The following COL23A1 variants were observed in gnomAD, a reference collection of about 807,000 sequenced individuals.
COL23A1 encodes the protein collagen alpha-1(XXIII) chain.
A neutral mutation model predicts 99.3 loss-of-function variants in COL23A1; 97 were observed. The ratio of observed to expected loss-of-function variants is 0.98; its 90% CI spans 0.83 to 1.16. COL23A1 has a LOEUF of 1.16. Among genes scored for constraint, COL23A1 ranks in the 50% most tolerant of loss-of-function variants. COL23A1 has a pLI of 0.00. For synonymous variants in COL23A1, 320 were observed against 308.2 expected (o/e 1.04, Z -0.40); for missense variants, 762 against 757.4 (o/e 1.01, Z -0.07).
intron 2 of COL23A1, among the ~76,000 whole-genome samples, chr5:178,534,241 T>C (rs1760809077): frequency 6.6e-6 from 1 of 152,186 alleles, no homozygotes; most frequent in South Asian, 2.1e-4. Flanking sequence ...CATCTTATTG[T>C]ACCTTCACAC....
chr5:178,521,570 A>C (rs1759948962), intron 2 of COL23A1, among the ~76,000 whole-genome samples: 1 of 145,782 alleles, frequency 6.9e-6, no homozygotes, highest in Admixed American at 6.8e-5. Context: ...AAAAAAAAAA[A>C]ACTATTTAAA....
chr5:178,250,244 C>T (rs943462140), intron 17 of COL23A1, 139 bp from the exon 18 acceptor site: 68 of 832,606 alleles, frequency 8.2e-5, no homozygotes, highest in Non-Finnish European at 1.2e-4. Flanking sequence ...CAGGACCCAC[C>T]GCCTCCTCTG....
chr5:178,243,584 G>A (rs1208111257), intron 25 of COL23A1, among the ~76,000 whole-genome samples: 2 of 152,144 alleles, frequency 1.3e-5, no homozygotes, highest in South Asian at 2.1e-4. Context: ...GAGTGCTGAT[G>A]ACAGTCAATG....
In COL23A1 at chr5:178,415,500, G is replaced by C. The variant is rs961706440; in HGVS notation, c.362-108581C>G. On this transcript the variant is annotated intron_variant, in intron 2 of 28. Coordinates refer to ENST00000390654, the MANE Select transcript of COL23A1 (RefSeq NM_173465.4). The surrounding 1 kb of genome is among the most constrained non-coding windows in gnomAD (Gnocchi z 4.6). ...CTGCACAGGCTTGCTGCTGCCAGCCGGCCTCCACGAACACTTCTACTGTCT... is the reference window on the plus strand; with the variant it reads ...CTGCACAGGCTTGCTGCTGCCAGCCCGCCTCCACGAACACTTCTACTGTCT... Among the ~76,000 whole-genome samples the C allele has an allele frequency of 1.3e-5, 2 of 152,122 alleles. No individual in the cohort carries two copies. Among genetic ancestry groups the C allele is most frequent in the East Asian group, 1.9e-4 (1 of 5,174 alleles).
At chr5:178,322,204 G>A (rs1388690032) in intron 2 of COL23A1, among the ~76,000 whole-genome samples, 1 of 151,922 alleles carries the variant, frequency 6.6e-6, no homozygotes. Flanking sequence ...GTGTTGGCCA[G>A]GCTGTTCTTG....
At chr5:178,256,744 T>C (rs1158421853) in intron 14 of COL23A1, 122 bp downstream of exon 14, 2 of 954,900 alleles carry the variant, frequency 2.1e-6, no homozygotes, top group Non-Finnish European at 3.1e-6. Context: ...GGGAGACCCC[T>C]GGGTCAGGCC....
intron 18 of COL23A1, among the ~76,000 whole-genome samples, chr5:178,249,716 A>ACACTCTCTCTCTCTCTCTCT: frequency 3.2e-5 from 3 of 92,752 alleles, no homozygotes; most frequent in Non-Finnish European, 4.4e-5. Flanking sequence ...ACACACACAC[A>ACACTCTCTCTCTCTCTCTCT]CTCTCTCTCT....
intron 2 of COL23A1, among the ~76,000 whole-genome samples, chr5:178,519,172 T>C (rs1480539528): frequency 6.6e-6 from 1 of 152,232 alleles, no homozygotes; most frequent in African/African-American, 2.4e-5. Flanking sequence ...TAGTCTGCAG[T>C]CCTTTTCACC....
intron 12 of COL23A1, 90 bp downstream of exon 12, chr5:178,259,631 A>G: frequency 1.6e-6 from 1 of 608,020 alleles, no homozygotes; most frequent in Non-Finnish European, 2.8e-6. Flanking sequence ...TCCCGTCCCC[A>G]TCCCCATCCC....
At chr5:178,357,890 TG>T (rs1761790015) in intron 2 of COL23A1, among the ~76,000 whole-genome samples, 1 of 148,558 alleles carries the variant, frequency 6.7e-6, no homozygotes, top group Non-Finnish European at 1.5e-5. Flanking sequence ...TGTACGTGTG[TG>T]TGTATGTGTG....
chr5:178,353,928 T>C (rs1452093717), intron 2 of COL23A1, among the ~76,000 whole-genome samples: 1 of 140,710 alleles, frequency 7.1e-6, no homozygotes, highest in African/African-American at 2.6e-5. Context: ...TATGTTGTGC[T>C]ACCGTTGAGT....
intron 3 of COL23A1, among the ~76,000 whole-genome samples, chr5:178,301,438 G>A (rs559599012): frequency 9.1e-4 from 138 of 152,166 alleles, no homozygotes; most frequent in African/African-American, 3.2e-3. Flanking sequence ...GTTTCCTCAG[G>A]GATAGTTTCT....
chr5:178,269,868 C>T (rs1756187006), intron 6 of COL23A1, among the ~76,000 whole-genome samples: 2 of 152,158 alleles, frequency 1.3e-5, no homozygotes, highest in Non-Finnish European at 2.9e-5. Context: ...CCTCAAATTA[C>T]TTATTTAATT....
intron 8 of COL23A1, among the ~76,000 whole-genome samples, chr5:178,264,270 G>C (rs986523527): frequency 1.3e-5 from 2 of 151,896 alleles, no homozygotes; most frequent in Non-Finnish European, 2.9e-5. Flanking sequence ...GGGGAGACTG[G>C]ATGAAGGGTA....
chr5:178,343,329 G>C (rs56365630), intron 2 of COL23A1, among the ~76,000 whole-genome samples: 2,746 of 152,316 alleles, frequency 0.018, 42 homozygotes, highest in Non-Finnish European at 0.031. Flanking sequence ...CCTGGGACAC[G>C]AGGGAGCAGT....
intron 2 of COL23A1, among the ~76,000 whole-genome samples, chr5:178,489,324 AC>A (rs1757803307): frequency 6.6e-6 from 1 of 151,912 alleles, no homozygotes; most frequent in African/African-American, 2.4e-5. Context: ...GGACTCTGCA[AC>A]CCCCTGGGGG....
chr5:178,334,362 C>A (rs1482967253), intron 2 of COL23A1, among the ~76,000 whole-genome samples: 1 of 152,268 alleles, frequency 6.6e-6, no homozygotes, highest in African/African-American at 2.4e-5. Context: ...TGAAGCCAAT[C>A]CTGCCCTTTT....
At chr5:178,475,222 G>A (rs570186713) in intron 2 of COL23A1, among the ~76,000 whole-genome samples, 13 of 152,200 alleles carry the variant, frequency 8.5e-5, no homozygotes, top group Non-Finnish European at 1.9e-4. Flanking sequence ...TGCAATGGAG[G>A]TTAGGACTTT....
Position 178,522,672 on chromosome 5 carries a change from C to T in COL23A1, c.361+38010G>A, listed in dbSNP as rs79811235. 5.0e-3 allele frequency among the ~76,000 whole-genome samples: 762 copies of T among 152,250 alleles called. 8 individuals are homozygous for T. Among genetic ancestry groups the T allele is most frequent in the African/African-American group, 0.017 (723 of 41,542 alleles). ...ACAACGGGGACAGTGGTGGAGGGCA[C>T]GATAGACGCGCTGTCTGTGATCCTC... On this transcript the variant is annotated intron_variant, in intron 2 of 28. Coordinates refer to ENST00000390654, the MANE Select transcript of COL23A1 (RefSeq NM_173465.4).
Sources: allele counts gnomAD v4.1 joint callset (sites outside exome capture counted in the v4.1 genomes callset), GRCh38; gene constraint gnomAD v4.1.1; non-coding constraint Gnocchi (gnomAD v3.1); transcripts MANE v1.5; gene names NCBI Gene and HGNC (gene_info 2026-07-23, HGNC 2026-07-21).